The following PCDH10 variants were observed in gnomAD, a reference collection of about 807,000 sequenced individuals.
PCDH10 encodes protocadherin-10.
A neutral mutation model predicts 74.4 loss-of-function variants in PCDH10; 15 were observed. That is an observed-to-expected ratio of 0.20 (90% CI 0.13 to 0.31). The LOEUF (loss-of-function observed/expected upper bound fraction) is 0.31, where lower values mean the gene tolerates loss of function less well. Ranked by LOEUF, PCDH10 falls within the 10% of genes least tolerant of loss-of-function variation. The probability of loss-of-function intolerance (pLI) is 1.00; values close to 1 mark genes in which losing one functional copy is unlikely to be tolerated. For synonymous variants in PCDH10, 619 were observed against 589.8 expected, an observed-to-expected ratio of 1.05 and a Z score of -0.72; for missense variants, 1,260 against 1,390.2, an observed-to-expected ratio of 0.91 and a Z score of 1.49.
chr4:133,168,116 G>C (rs988455861), intron 4 of PCDH10, among the ~76,000 whole-genome samples: 1 of 151,122 alleles, frequency 6.6e-6, no homozygotes, highest in African/African-American at 2.4e-5. Context: ...CAGTTGATGG[G>C]AACTTCTCTG....
At chr4:133,174,710 T>C (rs1350711883) in intron 4 of PCDH10, among the ~76,000 whole-genome samples, 1 of 151,496 alleles carries the variant, frequency 6.6e-6, no homozygotes, top group Non-Finnish European at 1.5e-5. Context: ...TTTGATGGAT[T>C]AGAGTGAATT....
rs755056611 is a variant in PCDH10, at chr4:133,151,310, T to C, written c.1170T>C (p.Asn390=). The change falls in exon 1 of 5, where the codon AAT becomes AAC. Residue 390 remains asparagine (N), a synonymous_variant. Transcript: ENST00000264360. ...TGACTGACCGCGACTCAGAGGAGAA[T>C]GGGCAGGTGCAGTGCGAGCTACTGG... ...FSVTDRDSEE[N]GQVQCELLGD... 7 of 1,613,962 alleles carry C rather than the reference T, an allele frequency of 4.3e-6. No individual in the cohort carries two copies. In the African/African-American group the frequency reaches 9.3e-5, roughly 22 times the overall value.
chr4:133,159,675 A>G (rs62311811), intron 3 of PCDH10, among the ~76,000 whole-genome samples: 22,517 of 151,900 alleles, frequency 0.15, 2,183 homozygotes, highest in Non-Finnish European at 0.22. Flanking sequence ...AGTCTATTTA[A>G]TTGTTTTTTT....
At chr4:133,162,278 C>A (rs892087352) in intron 3 of PCDH10, among the ~76,000 whole-genome samples, 1 of 152,116 alleles carries the variant, frequency 6.6e-6, no homozygotes, top group Non-Finnish European at 1.5e-5. Flanking sequence ...CTGGATTTGT[C>A]TAAGGTGGTA....
At chr4:133,176,154 T>C (rs1212009942) in intron 4 of PCDH10, among the ~76,000 whole-genome samples, 1 of 152,120 alleles carries the variant, frequency 6.6e-6, no homozygotes, top group Non-Finnish European at 1.5e-5. Flanking sequence ...AAGTATACCT[T>C]TACCTCCTTT....
In PCDH10 at chr4:133,194,466, A is replaced by T. The variant is rs1036945082; in HGVS notation, c.*4306A>T. On this transcript the variant is annotated 3_prime_UTR_variant, in exon 5 of 5. Coordinates refer to ENST00000264360, the MANE Select transcript of PCDH10 (RefSeq NM_032961.3). ...TATCTGTGAGTGAAAACAGGGTATT[A>T]TAACAAAAGATGAGTTTCAATCTTA... 6.6e-6 allele frequency: 1 copy of T among 151,910 alleles called. No individual in the cohort carries two copies. Among genetic ancestry groups the T allele is most frequent in the Non-Finnish European group, 1.5e-5 (1 of 67,840 alleles). The allele number at this position is 151,910 out of a possible 1,614,324, so 9.4% of individuals were successfully genotyped here.
rs772494051 is a variant in PCDH10, at chr4:133,151,359, T to C, written c.1219T>C (p.Ser407Pro). The change falls in exon 1 of 5, where the codon TCT (serine) becomes CCT (proline). Residue 407 changes from serine to proline, a missense_variant. Around this residue, in one of 11 missense-constraint regions of PCDH10, gnomAD observed 112 missense variants for 123.6 expected, o/e 0.91. Transcript: ENST00000264360. ...GGGAGACGTGCCTTTCCGCCTCAAGTCTTCCTTTAAGAATTACTACACCAT... is the reference window on the plus strand; with the variant it reads ...GGGAGACGTGCCTTTCCGCCTCAAGCCTTCCTTTAAGAATTACTACACCAT... ...LLGDVPFRLK[S>P]SFKNYYTIVT... The C allele has an allele frequency of 1.1e-5, 18 of 1,613,966 alleles. No individual in the cohort carries two copies. The African/African-American group carries it at 2.0e-4, about 18-fold the overall frequency.
chr4:133,157,767 A>G (rs1412434465), intron 3 of PCDH10, among the ~76,000 whole-genome samples: 1 of 152,082 alleles, frequency 6.6e-6, no homozygotes, highest in African/African-American at 2.4e-5. Context: ...TTATTTAGAT[A>G]TGCCTTCTAT....
rs1175459050 is a variant in PCDH10, at chr4:133,192,893, T to A, written c.*2733T>A. On this transcript the variant is annotated 3_prime_UTR_variant, in exon 5 of 5. Coordinates refer to ENST00000264360, the MANE Select transcript of PCDH10 (RefSeq NM_032961.3). The stretch of plus-strand genomic sequence containing the variant: ...ATTAAGCATTTACTAGATTAATATA[T>A]CAAGGAATTTTAGGATAGGTTTTCT... The A allele has an allele frequency of 1.3e-5, 2 of 151,602 alleles. No homozygotes were observed. The highest frequency in any genetic ancestry group is 3.0e-5 in the Non-Finnish European group (2 of 67,596). 9.4% of individuals were successfully genotyped at this position (151,602 alleles called of 1,614,324 possible).
At chr4:133,195,089 G>A (rs953496250), downstream of PCDH10, among the ~76,000 whole-genome samples, 5 of 151,930 alleles carry the variant, frequency 3.3e-5, no homozygotes, top group Admixed American at 6.6e-5. Context: ...AATAAAATCC[G>A]TATGGGTATC....
intron 4 of PCDH10, 144 bp downstream of exon 4, chr4:133,163,426 C>A: frequency 1.6e-6 from 1 of 635,348 alleles, no homozygotes; most frequent in African/African-American, 1.8e-5. Context: ...CACTTTAGGG[C>A]AATATTCTTT....
chr4:133,152,118 G>A lies in PCDH10; in HGVS notation c.1978G>A (p.Val660Met), dbSNP rs1364519740. 1 of 1,574,052 alleles carries A rather than the reference G, an allele frequency of 6.4e-7. No homozygotes were observed. Residue 660 changes from valine (V) to methionine (M), a missense_variant, in exon 1 of 5, where the codon GTG (valine) becomes ATG (methionine). By Grantham distance (21) the Val-to-Met change is conservative. Around this residue, in one of 11 missense-constraint regions of PCDH10, gnomAD observed 587 missense variants for 616.9 expected, o/e 0.95. Transcript: ENST00000264360. Reference sequence around the variant, plus strand: ...GCGGCCTTATGAGCTGGTGATCGAGGTGCGCGACCATGGGCAGCCGCCCCT... The same window carrying A: ...GCGGCCTTATGAGCTGGTGATCGAGATGCGCGACCATGGGCAGCCGCCCCT... ...PQRPYELVIE[V>M]RDHGQPPLSS...
intron 2 of PCDH10, among the ~76,000 whole-genome samples, chr4:133,200,485 A>C (rs1332852367): frequency 6.6e-6 from 1 of 152,214 alleles, no homozygotes; most frequent in Non-Finnish European, 1.5e-5. Context: ...TTTCCTATGC[A>C]TCTGAGTTCA....
At chr4:133,154,269 G>A (rs867827662) in intron 1 of PCDH10, 38 bp from the exon 2 acceptor site, 5 of 1,347,984 alleles carry the variant, frequency 3.7e-6, no homozygotes, top group Middle Eastern at 3.6e-4. Context: ...TCAACCCATA[G>A]CATTCAAATG....
rs1400020892 is a variant in PCDH10, at chr4:133,149,463, G to A, written c.-678G>A. The A allele has an allele frequency of 2.0e-5, 3 of 152,248 alleles. No homozygotes were observed. The highest frequency in any genetic ancestry group is 4.8e-5 in the African/African-American group (2 of 41,400). The allele number at this position is 152,248 out of a possible 1,614,324, so 9.4% of individuals were successfully genotyped here. The stretch of plus-strand genomic sequence containing the variant: ...AGTAACGGTGGAGATGAGGACAGAG[G>A]GAACCAAGACTCTGAAAGACAAAAA... On this transcript the variant is annotated 5_prime_UTR_variant, in exon 1 of 5. Transcript: ENST00000264360.
chr4:133,185,577 G>T (rs780856233), intron 4 of PCDH10, among the ~76,000 whole-genome samples: 7 of 152,062 alleles, frequency 4.6e-5, no homozygotes, highest in Non-Finnish European at 1.0e-4. Context: ...CTTCCACAGG[G>T]AGTAATTTGT....
intron 4 of PCDH10, among the ~76,000 whole-genome samples, chr4:133,177,526 G>T (rs2125868749): frequency 6.6e-6 from 1 of 152,016 alleles, no homozygotes; most frequent in Non-Finnish European, 1.5e-5. Flanking sequence ...TCACCAGTTT[G>T]CCCAAATAAC....
chr4:133,162,782 C>T (rs1726995310), intron 3 of PCDH10, among the ~76,000 whole-genome samples, 195 bp from the exon 4 acceptor site: 1 of 152,140 alleles, frequency 6.6e-6, no homozygotes, highest in African/African-American at 2.4e-5. Context: ...TTTACATTTG[C>T]AGATCATTTT....
intron 4 of PCDH10, 126 bp from the exon 5 acceptor site, chr4:133,190,015 C>G (rs889754045): frequency 1.3e-6 from 1 of 761,410 alleles, no homozygotes; most frequent in Non-Finnish European, 2.3e-6. Flanking sequence ...AAGTTTGACA[C>G]TACATGTGTT....
Sources: gnomAD v4.1 joint callset for allele counts (sites outside exome capture counted in the v4.1 genomes callset) on GRCh38, gnomAD v4.1.1 for gene constraint, gnomAD v4.1.1 regional missense constraint, MANE v1.5 for transcripts, NCBI Gene and HGNC (gene_info 2026-07-23, HGNC 2026-07-21) for gene names.